The following FAF1 variants were observed in gnomAD, a reference collection of about 807,000 sequenced individuals.
The protein encoded by FAF1 is FAS-associated factor 1.
FAF1 carries 25 observed loss-of-function variants against 92.5 expected under a neutral mutation model. The ratio of observed to expected loss-of-function variants is 0.27; its 90% CI spans 0.20 to 0.38. The LOEUF (loss-of-function observed/expected upper bound fraction) is 0.38. FAF1 is among the 10% of genes least tolerant of loss of function. The pLI is 1.00. For missense variants in FAF1, 636 were observed against 793.3 expected, an observed-to-expected ratio of 0.80 and a Z score of 2.38; for synonymous variants, 234 against 273.2, an observed-to-expected ratio of 0.86 and a Z score of 1.42.
chr1:50,674,669 A>G (rs1244732147), intron 7 of FAF1, among the ~76,000 whole-genome samples: 2 of 152,174 alleles, frequency 1.3e-5, no homozygotes, highest in Non-Finnish European at 2.9e-5. Flanking sequence ...TGACAGTAAT[A>G]AGTAAATTTG....
intron 1 of FAF1, among the ~76,000 whole-genome samples, chr1:50,914,197 G>T (rs1644905323): frequency 6.6e-6 from 1 of 152,142 alleles, no homozygotes; most frequent in African/African-American, 2.4e-5. Flanking sequence ...AGAAATATCA[G>T]AACCTGGTAT....
chr1:50,811,144 G>A (rs143529806), intron 2 of FAF1, among the ~76,000 whole-genome samples: 119 of 152,222 alleles, frequency 7.8e-4, no homozygotes, highest in African/African-American at 2.7e-3. Context: ...AGACCAGTGT[G>A]AGCAACATGG....
At chr1:50,954,795 G>A (rs560423118) in intron 1 of FAF1, among the ~76,000 whole-genome samples, 4 of 152,126 alleles carry the variant, frequency 2.6e-5, no homozygotes, top group South Asian at 2.1e-4. Flanking sequence ...CGCCTGCCTC[G>A]GCCTCCCAAG....
In FAF1 at chr1:50,929,110, T is replaced by C. The variant is rs2124742141; in HGVS notation, c.45+30657A>G. Among the ~76,000 whole-genome samples the C allele has an allele frequency of 2.4e-5, 3 of 123,460 alleles. No homozygotes were observed. In the South Asian group the frequency reaches 7.9e-4, roughly 33 times the overall value. 81.0% of individuals were successfully genotyped at this position (123,460 alleles called of 152,430 possible). On this transcript the variant is annotated intron_variant, in intron 1 of 18. Transcript: ENST00000396153. ...AAAAAGAAAGAAAAGAAAAAAAAAC[T>C]GGGAAGGCTAGCAAAATGATTCTTT...
intron 18 of FAF1, among the ~76,000 whole-genome samples, chr1:50,469,751 A>G (rs528575350): frequency 2.0e-5 from 3 of 152,302 alleles, no homozygotes; most frequent in South Asian, 2.1e-4. Context: ...GCAGTGGTAT[A>G]GAGGGAAAGA....
At chr1:50,664,749 G>C (rs1023731599) in intron 7 of FAF1, among the ~76,000 whole-genome samples, 2 of 152,188 alleles carry the variant, frequency 1.3e-5, no homozygotes, top group Non-Finnish European at 2.9e-5. Flanking sequence ...AGTCGAGATC[G>C]CGCTACTGCA....
intron 1 of FAF1, among the ~76,000 whole-genome samples, chr1:50,950,122 G>T (rs1645202992): frequency 6.6e-6 from 1 of 152,032 alleles, no homozygotes; most frequent in Non-Finnish European, 1.5e-5. Context: ...ATACAGGTGG[G>T]AGCCACCACA....
At chr1:50,864,855 T>G (rs2124673938) in intron 1 of FAF1, among the ~76,000 whole-genome samples, 1 of 151,998 alleles carries the variant, frequency 6.6e-6, no homozygotes, top group Admixed American at 6.6e-5. Context: ...CTAATTAAAC[T>G]AAAGAGCTTC....
intron 2 of FAF1, among the ~76,000 whole-genome samples, chr1:50,852,604 T>C (rs1210240660): frequency 6.6e-6 from 1 of 152,156 alleles, no homozygotes; most frequent in African/African-American, 2.4e-5. Flanking sequence ...GAAAATGTGA[T>C]AAGTAATCTT....
intron 4 of FAF1, among the ~76,000 whole-genome samples, chr1:50,766,324 C>T (rs901511686): frequency 2.0e-5 from 3 of 152,116 alleles, no homozygotes; most frequent in Non-Finnish European, 4.4e-5. Flanking sequence ...AAGCCATTAC[C>T]CCCTAGAATA....
At chr1:50,459,177 T>C (rs1646394369) in intron 18 of FAF1, among the ~76,000 whole-genome samples, 2 of 152,114 alleles carry the variant, frequency 1.3e-5, no homozygotes, top group African/African-American at 4.8e-5. Flanking sequence ...TATTGCTACA[T>C]TGCTCAGGCT....
At chr1:50,820,379 G>A (rs1445602387) in intron 2 of FAF1, among the ~76,000 whole-genome samples, 1 of 152,068 alleles carries the variant, frequency 6.6e-6, no homozygotes, top group Admixed American at 6.5e-5. Flanking sequence ...TATATTCAAG[G>A]TGTACAATGT....
At chr1:50,473,911 A>T (rs1646605883) in intron 18 of FAF1, among the ~76,000 whole-genome samples, 1 of 152,154 alleles carries the variant, frequency 6.6e-6, no homozygotes, top group South Asian at 2.1e-4. Flanking sequence ...AGGTTACTAT[A>T]CCTAGATCAC....
At chr1:50,482,290 A>G (rs950229451) in intron 17 of FAF1, among the ~76,000 whole-genome samples, 4 of 152,172 alleles carry the variant, frequency 2.6e-5, no homozygotes, top group African/African-American at 9.7e-5. Context: ...GTTGTTGAAT[A>G]TATCAGTAGT....
chr1:50,886,388 A>G (rs1366052081), intron 1 of FAF1, among the ~76,000 whole-genome samples: 1 of 151,932 alleles, frequency 6.6e-6, no homozygotes, highest in East Asian at 1.9e-4. Flanking sequence ...TCAGCTTTTT[A>G]ATTACTATAC....
At chr1:50,810,654 A>G (rs1643897592) in intron 2 of FAF1, among the ~76,000 whole-genome samples, 1 of 152,262 alleles carries the variant, frequency 6.6e-6, no homozygotes, top group Admixed American at 6.5e-5. Flanking sequence ...CTGTTTGCAG[A>G]TGATATGATT....
chr1:50,520,943 G>A (rs932111095), intron 15 of FAF1, among the ~76,000 whole-genome samples: 1 of 152,032 alleles, frequency 6.6e-6, no homozygotes, highest in Non-Finnish European at 1.5e-5. Flanking sequence ...TCTTTGCTAG[G>A]GATACTTTTT....
At chr1:50,682,151 CTGAG>C (rs1311773331) in intron 7 of FAF1, among the ~76,000 whole-genome samples, 2 of 151,944 alleles carry the variant, frequency 1.3e-5, no homozygotes, top group Non-Finnish European at 2.9e-5. Context: ...CAATGTGTAA[CTGAG>C]TAACTGATGC....
At chr1:50,749,667 A>G (rs767538489) in intron 4 of FAF1, among the ~76,000 whole-genome samples, 1 of 152,126 alleles carries the variant, frequency 6.6e-6, no homozygotes, top group Non-Finnish European at 1.5e-5. Flanking sequence ...ACATGCATGT[A>G]GTCCCAGCTA....
Sources: gnomAD v4.1 joint callset for allele counts (sites outside exome capture counted in the v4.1 genomes callset) on GRCh38, gnomAD v4.1.1 for gene constraint, MANE v1.5 for transcripts, NCBI Gene and HGNC (gene_info 2026-07-23, HGNC 2026-07-21) for gene names.